Variants in ASIC2 observed in about 807,000 individuals in gnomAD.
The protein encoded by ASIC2 is acid-sensing ion channel 2.
ASIC2 carries 25 observed loss-of-function variants against 57.3 expected under a neutral mutation model. The observed-to-expected ratio is 0.44, with a 90% CI of 0.32 to 0.61. ASIC2 has a LOEUF of 0.61. Among genes scored for constraint, ASIC2 ranks in the 20% least tolerant of loss-of-function variants. The pLI, the probability that ASIC2 is intolerant of heterozygous loss-of-function variation, is 0.06. For missense variants in ASIC2, 641 were observed against 738.1 expected (o/e 0.87, Z 1.52); for synonymous variants, 319 against 307.5 (o/e 1.04, Z -0.39).
intron 1 of ASIC2, among the ~76,000 whole-genome samples, chr17:33,618,144 GAA>G (rs1905666911): frequency 6.6e-6 from 1 of 151,286 alleles, no homozygotes; most frequent in Non-Finnish European, 1.5e-5. Context: ...AGCCACTGTC[GAA>G]TCCATATTCT....
intron 1 of ASIC2, among the ~76,000 whole-genome samples, chr17:33,488,497 T>A (rs936536242): frequency 6.6e-6 from 1 of 152,258 alleles, no homozygotes; most frequent in African/African-American, 2.4e-5. Context: ...TTATTTTGGA[T>A]GCTTTTTATT....
intron 1 of ASIC2, among the ~76,000 whole-genome samples, chr17:33,845,651 C>T (rs555602384): frequency 4.7e-4 from 71 of 152,234 alleles, no homozygotes; most frequent in Middle Eastern, 3.4e-3. Flanking sequence ...TTTTGAATAC[C>T]TGCCAGATAG....
chr17:33,589,902 AT>A (rs1306515764), intron 1 of ASIC2, among the ~76,000 whole-genome samples: 1 of 152,170 alleles, frequency 6.6e-6, no homozygotes, highest in Admixed American at 6.5e-5. Context: ...TCATATGATA[AT>A]TCTATTTGAA....
At chr17:33,365,308 A>G (rs1340436507) in intron 1 of ASIC2, among the ~76,000 whole-genome samples, 2 of 151,912 alleles carry the variant, frequency 1.3e-5, no homozygotes, top group Non-Finnish European at 2.9e-5. Flanking sequence ...AGCTCTTCTC[A>G]TGCTGCATAA....
chr17:33,828,371 A>C (rs8076803), intron 1 of ASIC2: 103,711 of 151,780 alleles, frequency 0.68, 35,771 homozygotes, highest in Non-Finnish European at 0.72. Flanking sequence ...ATTGGTGCAC[A>C]ATATGGAAAG....
At chr17:33,625,414 C>T (rs1226410871) in intron 1 of ASIC2, among the ~76,000 whole-genome samples, 1 of 152,110 alleles carries the variant, frequency 6.6e-6, no homozygotes, top group East Asian at 1.9e-4. Flanking sequence ...AGTATCCTTC[C>T]CCACTTGAGC....
chr17:33,336,477 G>A (rs1907518062), intron 1 of ASIC2, among the ~76,000 whole-genome samples: 1 of 151,902 alleles, frequency 6.6e-6, no homozygotes, highest in African/African-American at 2.4e-5. Flanking sequence ...TGCCTTCCTC[G>A]CCTCACACTT....
In ASIC2 at chr17:33,593,217, G is replaced by A. The variant is rs1904877180; in HGVS notation, c.556-481150C>T. ...GCAGATGCAGCAATTGTATGTGCAGGCACAGCTGTGATGTCCATGGAACAT... is the reference window on the plus strand; with the variant it reads ...GCAGATGCAGCAATTGTATGTGCAGACACAGCTGTGATGTCCATGGAACAT... On this transcript the variant is annotated intron_variant, in intron 1 of 9. Coordinates refer to the ASIC2 transcript ENST00000359872. 1.3e-5 allele frequency among the ~76,000 whole-genome samples: 2 copies of A among 152,182 alleles called. 1 individual carries two copies. Among genetic ancestry groups the A allele is most frequent in the South Asian group, 4.1e-4 (2 of 4,828 alleles).
At chr17:33,842,094 C>T (rs186178177) in intron 1 of ASIC2, among the ~76,000 whole-genome samples, 2 of 152,252 alleles carry the variant, frequency 1.3e-5, no homozygotes, top group Admixed American at 1.3e-4. Context: ...GTGGGCTGGA[C>T]GACATAACCG....
intron 1 of ASIC2, among the ~76,000 whole-genome samples, chr17:34,153,387 A>C (rs1474413951): frequency 6.6e-6 from 1 of 152,234 alleles, no homozygotes; most frequent in Admixed American, 6.5e-5. Context: ...AAAATGAATA[A>C]GAGAAGGCGG....
intron 1 of ASIC2, among the ~76,000 whole-genome samples, chr17:33,914,693 C>T (rs1198226683): frequency 6.6e-6 from 1 of 152,180 alleles, no homozygotes; most frequent in Non-Finnish European, 1.5e-5. Flanking sequence ...CTGTATATAG[C>T]AGAGTTGGCA....
intron 1 of ASIC2, among the ~76,000 whole-genome samples, chr17:34,035,410 A>C (rs1216130276): frequency 6.8e-6 from 1 of 147,532 alleles, no homozygotes; most frequent in Non-Finnish European, 1.5e-5. Context: ...TAAACGTTAG[A>C]CCTAAAACCA....
chr17:33,087,082 T>A (rs750121793), intron 3 of ASIC2, among the ~76,000 whole-genome samples: 1 of 152,200 alleles, frequency 6.6e-6, no homozygotes, highest in Non-Finnish European at 1.5e-5. Context: ...TCAACCCATG[T>A]CCAGCTTTGT....
At chr17:33,360,441 G>A (rs1023528414) in intron 1 of ASIC2, among the ~76,000 whole-genome samples, 1 of 152,130 alleles carries the variant, frequency 6.6e-6, no homozygotes, top group Non-Finnish European at 1.5e-5. Flanking sequence ...GAATGACAAC[G>A]TACACAACTT....
At chr17:33,977,525 A>G (rs972451575) in intron 1 of ASIC2, among the ~76,000 whole-genome samples, 2 of 152,218 alleles carry the variant, frequency 1.3e-5, no homozygotes, top group African/African-American at 2.4e-5. Context: ...CATTTATCCA[A>G]CAAATATTTA....
intron 1 of ASIC2, among the ~76,000 whole-genome samples, chr17:33,836,083 C>CAT (rs964676567): frequency 4.1e-5 from 6 of 146,142 alleles, no homozygotes; most frequent in African/African-American, 1.2e-4. Context: ...CACACACACA[C>CAT]ATATATAATT....
intron 1 of ASIC2, among the ~76,000 whole-genome samples, chr17:33,978,708 C>T (rs1009070536): frequency 3.3e-5 from 5 of 152,276 alleles, no homozygotes; most frequent in African/African-American, 1.2e-4. Flanking sequence ...GACTCTGGCC[C>T]TCTGTGCTAG....
chr17:34,059,518 T>G (rs1468569039), intron 1 of ASIC2, among the ~76,000 whole-genome samples: 2 of 152,124 alleles, frequency 1.3e-5, no homozygotes, highest in Non-Finnish European at 1.5e-5. Flanking sequence ...GGGCGCAAAT[T>G]GGGCGTGCAG....
chr17:33,424,274 G>A (rs1473723321), intron 1 of ASIC2, among the ~76,000 whole-genome samples: 1 of 152,180 alleles, frequency 6.6e-6, no homozygotes, highest in Non-Finnish European at 1.5e-5. Context: ...AGCACACTAT[G>A]TGGCTGCCAG....
Sources: allele counts gnomAD v4.1 joint callset (sites outside exome capture counted in the v4.1 genomes callset), GRCh38; gene constraint gnomAD v4.1.1; transcripts MANE v1.5; gene names NCBI Gene and HGNC (gene_info 2026-07-23, HGNC 2026-07-21).